CHM: variants seen among roughly 807,000 people sequenced by gnomAD.
CHM encodes rab proteins geranylgeranyltransferase component A 1.
Under a neutral mutation model 49.0 loss-of-function variants are expected in CHM, and 10 were observed. That is an observed-to-expected ratio of 0.20 (90% CI 0.13 to 0.35). CHM has a LOEUF of 0.35. CHM is among the 10% of genes least tolerant of loss of function. CHM has a pLI of 1.00. For synonymous variants in CHM, 184 were observed against 167.5 expected, an observed-to-expected ratio of 1.10 and a Z score of -0.76; for missense variants, 455 against 478.4, an observed-to-expected ratio of 0.95 and a Z score of 0.46.
intron 8 of CHM, among the ~76,000 whole-genome samples, chrX:85,923,257 A>G (rs992773171): frequency 8.9e-6 from 1 of 112,619 alleles, no homozygotes; most frequent in Non-Finnish European, 1.9e-5. Flanking sequence ...ATGGGTTAAT[A>G]CATGTAAAGT....
intron 13 of CHM, among the ~76,000 whole-genome samples, chrX:85,875,107 G>A (rs1924333587): frequency 9.0e-6 from 1 of 111,590 alleles, no homozygotes; most frequent in African/African-American, 3.2e-5. Flanking sequence ...TTGCGCCTTT[G>A]AAAAGAAACC....
At chrX:85,919,023 A>G (rs1316489104) in intron 8 of CHM, among the ~76,000 whole-genome samples, 1 of 111,712 alleles carries the variant, frequency 9.0e-6, no homozygotes, top group African/African-American at 3.3e-5. Context: ...CCTACCCAAC[A>G]ACGACAGAAT....
chrX:85,863,283 G>C lies in CHM; in HGVS notation c.*1347C>G, dbSNP rs1307767177. On this transcript the variant is annotated 3_prime_UTR_variant, in exon 15 of 15. Transcript: ENST00000357749. ...AAATTTTGTATTTTTAGTAGAGACAGGGTTTCGCCATGTTGGCCAGGCTGG... is the reference window on the plus strand; with the variant it reads ...AAATTTTGTATTTTTAGTAGAGACACGGTTTCGCCATGTTGGCCAGGCTGG... The C allele has an allele frequency of 9.0e-6, 1 of 111,410 alleles. No homozygotes were observed. The allele number at this position is 111,410 out of a possible 1,213,427, so 9.2% of individuals were successfully genotyped here.
Position 85,880,499 on chromosome X carries a change from GT to G in CHM, c.1511-1437del, listed in dbSNP as rs1924696090. On this transcript the variant is annotated intron_variant, in intron 12 of 14. Coordinates refer to ENST00000357749, the MANE Select transcript of CHM (RefSeq NM_000390.4). ...AATGCCCAAAGTTCTCAATTTTCCA[GT>G]TTTTTGCTTGTTTGTTAATGTTTAT... Among the ~76,000 whole-genome samples, 4 of 111,124 alleles carry G rather than the reference GT, an allele frequency of 3.6e-5. No homozygotes were observed. In the South Asian group the frequency reaches 1.5e-3, roughly 42 times the overall value.
At chrX:85,984,355 G>A (rs1931795477) in intron 2 of CHM, among the ~76,000 whole-genome samples, 1 of 111,686 alleles carries the variant, frequency 9.0e-6, no homozygotes, top group African/African-American at 3.3e-5. Context: ...ATGAGCACAT[G>A]AAAAAGTACG....
intron 8 of CHM, among the ~76,000 whole-genome samples, chrX:85,930,369 T>A (rs754632094): frequency 4.5e-5 from 5 of 111,563 alleles, no homozygotes; most frequent in Non-Finnish European, 9.4e-5. Context: ...CAGTCTGTTT[T>A]CAAAGAGGAC....
intron 1 of CHM, among the ~76,000 whole-genome samples, chrX:86,039,086 T>C (rs1301666949): frequency 8.9e-6 from 1 of 112,494 alleles, no homozygotes; most frequent in Non-Finnish European, 1.9e-5. Context: ...GCAGGGTTAC[T>C]GTGAAAATGA....
chrX:86,006,730 C>A (rs964595631), intron 2 of CHM, among the ~76,000 whole-genome samples: 1 of 111,365 alleles, frequency 9.0e-6, no homozygotes, highest in African/African-American at 3.3e-5. Flanking sequence ...TCAAAGAGAA[C>A]AACAAACCAC....
intron 8 of CHM, among the ~76,000 whole-genome samples, chrX:85,935,287 G>C (rs987144811): frequency 9.0e-6 from 1 of 111,543 alleles, no homozygotes; most frequent in Non-Finnish European, 1.9e-5. Context: ...CCATTCATAA[G>C]GAATCCACCC....
At chrX:85,974,423 C>G (rs1183265465) in intron 4 of CHM, among the ~76,000 whole-genome samples, 1 of 111,816 alleles carries the variant, frequency 8.9e-6, no homozygotes, top group African/African-American at 3.2e-5. Context: ...AAGGCACAAA[C>G]TCTAGAATAT....
At chrX:85,932,997 G>C (rs1928524471) in intron 8 of CHM, among the ~76,000 whole-genome samples, 1 of 111,405 alleles carries the variant, frequency 9.0e-6, no homozygotes, top group South Asian at 3.8e-4. Flanking sequence ...ACTCCAATCA[G>C]AAGTCTGTCT....
intron 12 of CHM, among the ~76,000 whole-genome samples, chrX:85,879,298 C>T (rs1924615154): frequency 9.0e-6 from 1 of 110,762 alleles, no homozygotes; most frequent in Non-Finnish European, 1.9e-5. Context: ...CAGAAAAGAG[C>T]TTGTTATACT....
chrX:85,946,540 T>C (rs1929421766), intron 8 of CHM, among the ~76,000 whole-genome samples: 1 of 111,937 alleles, frequency 8.9e-6, no homozygotes, highest in East Asian at 2.8e-4. Context: ...GGCTTCCATA[T>C]TGTGTTAAGA....
intron 8 of CHM, among the ~76,000 whole-genome samples, chrX:85,949,295 C>A (rs5968734): frequency 0.17 from 19,100 of 111,396 alleles, 1,546 homozygotes; most frequent in Middle Eastern, 0.25. Flanking sequence ...AAACAAAATG[C>A]ATTTTTTAAT....
chrX:86,041,668 ATATG>A (rs1390200394), intron 1 of CHM, among the ~76,000 whole-genome samples: 28 of 95,647 alleles, frequency 2.9e-4, no homozygotes, highest in African/African-American at 1.1e-3. Context: ...CCCCAAAAAC[ATATG>A]TGTGTATGTG....
At chrX:85,867,740 T>A (rs1016722476) in intron 14 of CHM, among the ~76,000 whole-genome samples, 1 of 111,708 alleles carries the variant, frequency 9.0e-6, no homozygotes, top group Non-Finnish European at 1.9e-5. Context: ...ATATCAGAGA[T>A]TAAGCCGACA....
At chrX:85,963,615 T>A (rs1276817391) in intron 5 of CHM, 50 bp downstream of exon 5, 1 of 1,099,968 alleles carries the variant, frequency 9.1e-7, no homozygotes, top group South Asian at 1.9e-5. Context: ...ACTGGGTTTA[T>A]GGGCCCAGAT....
At chrX:86,027,666 C>A in intron 1 of CHM, 109 bp from the exon 2 acceptor site, 1 of 596,000 alleles carries the variant, frequency 1.7e-6, no homozygotes, top group Non-Finnish European at 2.8e-6. Context: ...ACCAAAGAGA[C>A]CCATCCTTGC....
intron 14 of CHM, among the ~76,000 whole-genome samples, chrX:85,866,163 G>C (rs1281962605): frequency 8.9e-6 from 1 of 112,403 alleles, no homozygotes; most frequent in Non-Finnish European, 1.9e-5. Flanking sequence ...ATCTTCCCTA[G>C]GAGGAAAAAT....
Sources: gnomAD v4.1 joint callset for allele counts (sites outside exome capture counted in the v4.1 genomes callset) on GRCh38, gnomAD v4.1.1 for gene constraint, MANE v1.5 for transcripts, NCBI Gene and HGNC (gene_info 2026-07-23, HGNC 2026-07-21) for gene names.